CMKLR2: variants seen among roughly 807,000 people sequenced by gnomAD.
CMKLR2 encodes the protein chemerin chemokine-like receptor 2, also known as chemerin-like receptor 2.
Under a neutral mutation model 23.0 loss-of-function variants are expected in CMKLR2, and 18 were observed. That is an observed-to-expected ratio of 0.78 (90% CI 0.54 to 1.16). The LOEUF (loss-of-function observed/expected upper bound fraction) is 1.16. Ranked by LOEUF, CMKLR2 falls within the 50% of genes most tolerant of loss-of-function variation. CMKLR2 has a pLI of 0.00. For missense variants in CMKLR2, 401 were observed against 412.7 expected (o/e 0.97, Z 0.25); for synonymous variants, 158 against 158.9 (o/e 0.99, Z 0.05).
chr2:206,197,141 C>A (rs933537671), intron 1 of CMKLR2, among the ~76,000 whole-genome samples: 1 of 152,174 alleles, frequency 6.6e-6, no homozygotes. Flanking sequence ...ATCTCTTGAC[C>A]TCGTGATCTG....
At chr2:206,215,917 C>G (rs1164035481), upstream of CMKLR2, among the ~76,000 whole-genome samples, 1 of 152,116 alleles carries the variant, frequency 6.6e-6, no homozygotes, top group Admixed American at 6.6e-5. Flanking sequence ...GGGTTTGGCT[C>G]CAGACGTTCT....
rs77453050 is a variant in CMKLR2, at chr2:206,198,539, G to A, written c.-29+14768C>T. On this transcript the variant is annotated intron_variant, in intron 1 of 1. Coordinates refer to ENST00000621141, the MANE Select transcript of CMKLR2 (RefSeq NM_001389445.1). Reference sequence around the variant, plus strand: ...CATGCCTCAAACTAGCACCAAATCCGGTCCCTTGCACAGAGTGGACATTCA... The same window carrying A: ...CATGCCTCAAACTAGCACCAAATCCAGTCCCTTGCACAGAGTGGACATTCA... Among the ~76,000 whole-genome samples the A allele has an allele frequency of 1.2e-3, 182 of 152,192 alleles. 2 individuals carry two copies. The East Asian group carries it at 0.029, about 25-fold the overall frequency.
At chr2:206,184,654 TC>T (rs1465704946) in intron 1 of CMKLR2, among the ~76,000 whole-genome samples, 1 of 152,012 alleles carries the variant, frequency 6.6e-6, no homozygotes, top group Non-Finnish European at 1.5e-5. Context: ...CTTCAACATA[TC>T]TTTTTTTTGG....
chr2:206,215,168 T>G (rs1364460092), upstream of CMKLR2, among the ~76,000 whole-genome samples: 1 of 152,188 alleles, frequency 6.6e-6, no homozygotes, highest in East Asian at 1.9e-4. Context: ...CTTCCACACC[T>G]ACCCGCAATC....
intron 1 of CMKLR2, among the ~76,000 whole-genome samples, chr2:206,193,606 C>G (rs1688823190): frequency 6.6e-6 from 1 of 152,154 alleles, no homozygotes; most frequent in Non-Finnish European, 1.5e-5. Flanking sequence ...CTTGCATCCT[C>G]TTTAGTGTCT....
intron 1 of CMKLR2, among the ~76,000 whole-genome samples, chr2:206,183,017 G>T (rs1312190210): frequency 6.6e-6 from 1 of 152,074 alleles, no homozygotes; most frequent in Non-Finnish European, 1.5e-5. Flanking sequence ...CTCCTGTCAT[G>T]CTGCCCCATT....
In CMKLR2 at chr2:206,175,986, C is replaced by T. The variant is rs1001279933; in HGVS notation, c.*194G>A. The T allele has an allele frequency of 1.2e-5, 5 of 418,736 alleles. No homozygotes were observed. The highest frequency in any genetic ancestry group is 8.2e-5 in the African/African-American group (4 of 48,944). 25.9% of individuals were successfully genotyped at this position (418,736 alleles called of 1,614,324 possible). On this transcript the variant is annotated 3_prime_UTR_variant, in exon 2 of 2. Transcript: ENST00000621141. Reference sequence around the variant, plus strand: ...TCAGTTTTTTAAAAAAAATTTATTGCCACATCACAAGGAGTCAAGAGGATC... The same window carrying T: ...TCAGTTTTTTAAAAAAAATTTATTGTCACATCACAAGGAGTCAAGAGGATC...
intron 1 of CMKLR2, among the ~76,000 whole-genome samples, chr2:206,205,022 G>A (rs1368959976): frequency 1.3e-5 from 2 of 152,134 alleles, no homozygotes; most frequent in African/African-American, 4.8e-5. Context: ...AATCCAACTG[G>A]CTAAAGAAGC....
chr2:206,214,108 T>G (rs1439133311), upstream of CMKLR2, among the ~76,000 whole-genome samples: 2 of 150,612 alleles, frequency 1.3e-5, no homozygotes, highest in Non-Finnish European at 2.9e-5. Context: ...CCCGCCTCAG[T>G]CTCCCAAAGT....
At chr2:206,182,711 C>T (rs1465596436) in intron 1 of CMKLR2, among the ~76,000 whole-genome samples, 1 of 151,870 alleles carries the variant, frequency 6.6e-6, no homozygotes, top group African/African-American at 2.4e-5. Flanking sequence ...ACCTTTGTCC[C>T]CCGAGTTCAA....
At chr2:206,205,566 CTTA>C (rs1689282801) in intron 1 of CMKLR2, among the ~76,000 whole-genome samples, 1 of 151,054 alleles carries the variant, frequency 6.6e-6, no homozygotes, top group African/African-American at 2.4e-5. Flanking sequence ...GAGACAGGGT[CTTA>C]TTATGTTGCT....
intron 1 of CMKLR2, among the ~76,000 whole-genome samples, chr2:206,211,964 T>C (rs963775984): frequency 6.6e-6 from 1 of 151,696 alleles, no homozygotes; most frequent in Non-Finnish European, 1.5e-5. Flanking sequence ...TACATAAAAT[T>C]AAATTTTGTT....
intron 1 of CMKLR2, among the ~76,000 whole-genome samples, chr2:206,185,577 G>A (rs528990580): frequency 1.5e-4 from 23 of 152,294 alleles, no homozygotes; most frequent in African/African-American, 5.5e-4. Flanking sequence ...TTTTCGCAAA[G>A]GGGAAAAGCA....
intron 1 of CMKLR2, among the ~76,000 whole-genome samples, chr2:206,185,423 G>A (rs1461247783): frequency 1.3e-5 from 2 of 152,198 alleles, no homozygotes; most frequent in African/African-American, 4.8e-5. Context: ...GCAGAAGTAT[G>A]TCTAACATAT....
At chr2:206,194,169 G>C (rs191948016) in intron 1 of CMKLR2, among the ~76,000 whole-genome samples, 4 of 152,150 alleles carry the variant, frequency 2.6e-5, no homozygotes, top group Admixed American at 2.6e-4. Context: ...TCAATGAAGG[G>C]GAGGGAAGGG....
chr2:206,177,470 C>A (rs962449882), intron 1 of CMKLR2, among the ~76,000 whole-genome samples, 195 bp from the exon 2 acceptor site: 1 of 152,090 alleles, frequency 6.6e-6, no homozygotes, highest in Non-Finnish European at 1.5e-5. Flanking sequence ...CTCACTGCAG[C>A]CTTGACCTCC....
In CMKLR2 at chr2:206,177,220, C is replaced by T; in HGVS notation, c.28G>A (p.Glu10Lys). ...TCATAGGAATAGTTTTCAAATTCTT[C>T]AAATAATGTTTCCTCCAAATCTTCC... is the stretch of plus-strand genomic sequence containing the variant. MEDLEETLF[E>K]EFENYSYDLD... is the part of the protein sequence containing the mutation. The change falls in exon 2 of 2, where the codon GAA becomes AAA. Residue 10 changes from glutamate to lysine, a missense_variant. Glu to Lys is a moderately conservative substitution (Grantham distance 56). Coordinates refer to ENST00000621141, the MANE Select transcript of CMKLR2 (RefSeq NM_001389445.1). 1 of 1,605,134 alleles carries T rather than the reference C, an allele frequency of 6.2e-7. No homozygotes were observed. Among genetic ancestry groups the T allele is most frequent in the Non-Finnish European group, 8.5e-7 (1 of 1,174,834 alleles).
chr2:206,213,188 C>T (rs1449287457), intron 1 of CMKLR2, 119 bp downstream of exon 1: 1 of 152,158 alleles, frequency 6.6e-6, no homozygotes, highest in Admixed American at 6.5e-5. Context: ...AGTCCTTTTC[C>T]TTTTTTGCCA....
At chr2:206,190,643 T>TG (rs1688721666) in intron 1 of CMKLR2, among the ~76,000 whole-genome samples, 1 of 152,208 alleles carries the variant, frequency 6.6e-6, no homozygotes, top group Non-Finnish European at 1.5e-5. Context: ...TTGAAAACCT[T>TG]GAACAGAAAA....
Sources: gnomAD v4.1 joint callset for allele counts (sites outside exome capture counted in the v4.1 genomes callset) on GRCh38, gnomAD v4.1.1 for gene constraint, MANE v1.5 for transcripts, NCBI Gene and HGNC (gene_info 2026-07-23, HGNC 2026-07-21) for gene names.